The following GRM1 variants were observed in gnomAD, a reference collection of about 807,000 sequenced individuals.
GRM1 encodes the protein metabotropic glutamate receptor 1.
In GRM1, 33 loss-of-function variants were observed where a neutral mutation model predicts 90.9. The observed-to-expected ratio is 0.36, with a 90% CI of 0.28 to 0.49. The LOEUF (loss-of-function observed/expected upper bound fraction) is 0.49. GRM1 is among the 20% of genes least tolerant of loss of function. GRM1 has a pLI of 0.99. For synonymous variants in GRM1, 700 were observed against 613.2 expected (o/e 1.14, Z -2.09); for missense variants, 1,190 against 1,534.3 (o/e 0.78, Z 3.75).
At chr6:146,028,478 C>T (rs1295350371), upstream of GRM1, among the ~76,000 whole-genome samples, 1 of 151,866 alleles carries the variant, frequency 6.6e-6, no homozygotes, top group African/African-American at 2.4e-5. Flanking sequence ...CCCTTTCTAG[C>T]AACTATGCAA....
At chr6:146,095,798 C>T (rs1190038537) in intron 1 of GRM1, among the ~76,000 whole-genome samples, 2 of 152,064 alleles carry the variant, frequency 1.3e-5, no homozygotes, top group Admixed American at 6.6e-5. Flanking sequence ...CTTATGGTGG[C>T]GTTTTATACT....
At chr6:146,155,176 T>C (rs1014722315) in intron 1 of GRM1, among the ~76,000 whole-genome samples, 9 of 152,244 alleles carry the variant, frequency 5.9e-5, no homozygotes, top group African/African-American at 2.2e-4. Flanking sequence ...ATCAGTAATA[T>C]GTACAGCAAT....
intron 1 of GRM1, among the ~76,000 whole-genome samples, chr6:146,147,478 G>A (rs1439805369): frequency 1.3e-5 from 2 of 152,138 alleles, no homozygotes; most frequent in African/African-American, 4.8e-5. Context: ...TTATACCACC[G>A]TTTTAGGATC....
chr6:146,208,815 A>T (rs1010699389), intron 2 of GRM1, among the ~76,000 whole-genome samples: 1 of 152,104 alleles, frequency 6.6e-6, no homozygotes, highest in African/African-American at 2.4e-5. Flanking sequence ...TCCAGCTCTC[A>T]GTTTAATTTT....
At chr6:146,376,149 G>A (rs1776090872) in intron 5 of GRM1, among the ~76,000 whole-genome samples, 1 of 152,002 alleles carries the variant, frequency 6.6e-6, no homozygotes, top group South Asian at 2.1e-4. Context: ...AAACAAAAAA[G>A]AAAACTAATA....
chr6:146,077,679 A>G lies in GRM1; in HGVS notation c.700+47462A>G, dbSNP rs560176243. On this transcript the variant is annotated intron_variant, in intron 1 of 7. Coordinates refer to ENST00000282753, the MANE Select transcript of GRM1 (RefSeq NM_001278064.2). ...ATAGTGAAGGGGGAAAATCTTACTT[A>G]GTGTTTATTACCAGGCAATTCAGAA... Among the ~76,000 whole-genome samples the G allele has an allele frequency of 3.0e-4, 45 of 152,320 alleles. 2 individuals are homozygous for G. In the South Asian group the frequency reaches 9.1e-3, roughly 31 times the overall value.
chr6:146,342,103 A>G (rs550748902), intron 3 of GRM1, among the ~76,000 whole-genome samples: 5 of 152,318 alleles, frequency 3.3e-5, no homozygotes, highest in African/African-American at 4.8e-5. Context: ...GAATCAGTTA[A>G]TAGTTTATTG....
intron 1 of GRM1, among the ~76,000 whole-genome samples, chr6:146,054,856 G>T (rs2128850613): frequency 6.6e-6 from 1 of 152,120 alleles, no homozygotes; most frequent in East Asian, 1.9e-4. Context: ...GGAGAGGGAA[G>T]TCTGTGTCAT....
intron 1 of GRM1, among the ~76,000 whole-genome samples, chr6:146,137,114 A>G (rs950852747): frequency 6.6e-6 from 1 of 151,980 alleles, no homozygotes; most frequent in Non-Finnish European, 1.5e-5. Flanking sequence ...TGGCCTCCCA[A>G]AGTGCTGAGA....
chr6:146,091,745 T>C (rs1776723278), intron 1 of GRM1, among the ~76,000 whole-genome samples: 1 of 152,044 alleles, frequency 6.6e-6, no homozygotes, highest in Non-Finnish European at 1.5e-5. Context: ...TCATGAAGAA[T>C]TGTGAAAAAG....
At chr6:146,414,525 C>T (rs1026113937) in intron 7 of GRM1, among the ~76,000 whole-genome samples, 8 of 152,018 alleles carry the variant, frequency 5.3e-5, no homozygotes, top group Non-Finnish European at 8.8e-5. Flanking sequence ...GCCTCAGCCT[C>T]CCAAGTAGCT....
chr6:146,159,111 C>T (rs913725072), intron 1 of GRM1, among the ~76,000 whole-genome samples: 71 of 152,196 alleles, frequency 4.7e-4, no homozygotes, highest in African/African-American at 1.7e-3. Flanking sequence ...TAAAACATGT[C>T]TCATTATAGG....
Position 146,158,450 on chromosome 6 carries a change from A to G in GRM1, c.701-898A>G, listed in dbSNP as rs533598927. Among the ~76,000 whole-genome samples, 5 of 147,564 alleles carry G rather than the reference A, an allele frequency of 3.4e-5. No homozygotes were observed. The East Asian group carries it at 9.8e-4, about 29-fold the overall frequency. On this transcript the variant is annotated intron_variant, in intron 1 of 7. Transcript: ENST00000282753. ...ATCCACATTCAGAGGTATTAGAAAC[A>G]TCTGTGATAACATGGTCAAAAGTGT...
intron 1 of GRM1, among the ~76,000 whole-genome samples, chr6:146,157,255 A>G (rs1777555494): frequency 6.6e-6 from 1 of 152,228 alleles, no homozygotes. Flanking sequence ...ACAGAAATAA[A>G]GAGAATAAAA....
intron 2 of GRM1, among the ~76,000 whole-genome samples, chr6:146,244,687 T>C (rs1780993812): frequency 6.6e-6 from 1 of 152,214 alleles, no homozygotes; most frequent in South Asian, 2.1e-4. Flanking sequence ...AAGTGCTAGT[T>C]AACCGTGTGT....
chr6:146,207,492 G>A (rs976687742), intron 2 of GRM1, among the ~76,000 whole-genome samples: 1 of 152,060 alleles, frequency 6.6e-6, no homozygotes, highest in Admixed American at 6.6e-5. Context: ...CTGGATATTG[G>A]ACCATTGTCA....
intron 1 of GRM1, among the ~76,000 whole-genome samples, chr6:146,057,556 T>C (rs1451531892): frequency 6.6e-6 from 1 of 152,138 alleles, no homozygotes; most frequent in Non-Finnish European, 1.5e-5. Flanking sequence ...GAGCACTGTA[T>C]ATCAGCGAGA....
intron 6 of GRM1, among the ~76,000 whole-genome samples, chr6:146,396,393 C>G (rs1304900511): frequency 6.6e-6 from 1 of 152,080 alleles, no homozygotes; most frequent in South Asian, 2.1e-4. Context: ...GTTGACAACA[C>G]GGGAAGTATT....
At chr6:146,249,543 G>T (rs1196602794) in intron 2 of GRM1, among the ~76,000 whole-genome samples, 2 of 152,192 alleles carry the variant, frequency 1.3e-5, no homozygotes, top group Non-Finnish European at 2.9e-5. Flanking sequence ...ATGAATTGTG[G>T]TTTGGGAACT....
Sources: gnomAD v4.1 joint callset for allele counts (sites outside exome capture counted in the v4.1 genomes callset) on GRCh38, gnomAD v4.1.1 for gene constraint, MANE v1.5 for transcripts, NCBI Gene and HGNC (gene_info 2026-07-23, HGNC 2026-07-21) for gene names.